The following ARHGAP15 variants were observed in gnomAD, a reference collection of about 807,000 sequenced individuals.
ARHGAP15 encodes rho GTPase-activating protein 15.
ARHGAP15 carries 51 observed loss-of-function variants against 63.7 expected under a neutral mutation model. That is an observed-to-expected ratio of 0.80 (90% CI 0.64 to 1.01). ARHGAP15 has a LOEUF of 1.01. Among genes scored for constraint, ARHGAP15 ranks in the 50% least tolerant of loss-of-function variants. The pLI is 0.00. For missense variants in ARHGAP15, 560 were observed against 564.6 expected (o/e 0.99, Z 0.08); for synonymous variants, 191 against 193.8 (o/e 0.99, Z 0.12).
In ARHGAP15 at chr2:143,519,378, T is replaced by C. The variant is rs1693963716; in HGVS notation, c.925+14T>C. ...TTGAGAAAAGAGGTGGGTGACTGAA[T>C]GTGCAGCAGTTCCCCCCATTACTGC... On this transcript the variant is annotated intron_variant, in intron 10 of 13. Coordinates refer to ENST00000295095, the MANE Select transcript of ARHGAP15 (RefSeq NM_018460.4). The C allele has an allele frequency of 2.5e-6, 4 of 1,600,282 alleles. No homozygotes were observed. Among genetic ancestry groups the C allele is most frequent in the Admixed American group, 1.7e-5 (1 of 59,910 alleles).
chr2:143,640,735 C>T (rs1054063293), intron 12 of ARHGAP15: 1 of 152,068 alleles, frequency 6.6e-6, no homozygotes. Context: ...TATTAAGCAA[C>T]AAGAATATAA....
chr2:143,228,758 C>T (rs1389428047), intron 5 of ARHGAP15, 90 bp downstream of exon 5: 8 of 852,266 alleles, frequency 9.4e-6, no homozygotes, highest in East Asian at 2.9e-5. Flanking sequence ...ACACTAAAAC[C>T]TCCAAGCTAC....
At chr2:143,188,406 A>G (rs1261055674) in intron 2 of ARHGAP15, among the ~76,000 whole-genome samples, 1 of 151,834 alleles carries the variant, frequency 6.6e-6, no homozygotes, top group African/African-American at 2.4e-5. Context: ...TATCAACAAA[A>G]TTGCCAAATA....
intron 6 of ARHGAP15, among the ~76,000 whole-genome samples, chr2:143,414,903 C>T (rs540903729): frequency 3.3e-5 from 5 of 152,038 alleles, no homozygotes; most frequent in East Asian, 1.9e-4. Context: ...CACTCCAGCC[C>T]GGGCAACAGA....
At chr2:143,600,890 G>A (rs1574689075) in intron 11 of ARHGAP15, among the ~76,000 whole-genome samples, 1 of 152,078 alleles carries the variant, frequency 6.6e-6, no homozygotes, top group Admixed American at 6.6e-5. Context: ...CTAAGAAAAT[G>A]CAATGAAAAT....
intron 2 of ARHGAP15, among the ~76,000 whole-genome samples, chr2:143,156,341 C>A (rs979672636): frequency 6.6e-6 from 1 of 151,844 alleles, no homozygotes; most frequent in African/African-American, 2.4e-5. Flanking sequence ...ATGGTGGTAA[C>A]TTGCAGCTGA....
rs900342421 is a variant in ARHGAP15 at position 143,536,377 on chromosome 2, AT to A, written c.925+17024del. On this transcript the variant is annotated intron_variant, in intron 10 of 13. Transcript: ENST00000295095. Reference sequence around the variant, plus strand: ...TCATTCATGTTGTCACAAAAGCAGGATTTTTTTTTTTATTATTTAAGTTTTA... The same window carrying A: ...TCATTCATGTTGTCACAAAAGCAGGATTTTTTTTTTATTATTTAAGTTTTA... Among the ~76,000 whole-genome samples, 247 of 148,050 alleles carry A rather than the reference AT, an allele frequency of 1.7e-3. 1 individual carries two copies. Among genetic ancestry groups the A allele is most frequent in the Middle Eastern group, 7.0e-3 (2 of 284 alleles).
In ARHGAP15 at chr2:143,220,489, G is replaced by T. The variant is rs191036922; in HGVS notation, c.296+4044G>T. On this transcript the variant is annotated intron_variant, in intron 4 of 13. Coordinates refer to ENST00000295095, the MANE Select transcript of ARHGAP15 (RefSeq NM_018460.4). ...GCCTCACAACGTATTGGGATTACAG[G>T]CGTGAGCAATAGCACCCAGCCTTCT... Among the ~76,000 whole-genome samples, 7 of 152,270 alleles carry T rather than the reference G, an allele frequency of 4.6e-5. No homozygotes were observed. In the East Asian group the frequency reaches 1.2e-3, roughly 25 times the overall value.
rs540716723 is a variant in ARHGAP15, at chr2:143,541,833, C to G, written c.926-14575C>G. On this transcript the variant is annotated intron_variant, in intron 10 of 13. Coordinates refer to ENST00000295095, the MANE Select transcript of ARHGAP15 (RefSeq NM_018460.4). ...AGGCTACTCAGCAGTCAGGGACCCA[C>G]TTGAGGAGGCAGTCTGCCCGTTCTC... Among the ~76,000 whole-genome samples the G allele has an allele frequency of 2.6e-5, 4 of 152,348 alleles. No homozygotes were observed. In the South Asian group the frequency reaches 8.3e-4, roughly 32 times the overall value.
intron 10 of ARHGAP15, among the ~76,000 whole-genome samples, chr2:143,526,796 AT>A (rs562380503): frequency 4.6e-4 from 70 of 152,286 alleles, no homozygotes; most frequent in East Asian, 5.8e-4. Context: ...AGATTTTCAG[AT>A]TTTTTTGCCC....
chr2:143,271,624 T>C (rs1046686381), intron 6 of ARHGAP15, among the ~76,000 whole-genome samples: 13 of 152,328 alleles, frequency 8.5e-5, no homozygotes, highest in South Asian at 4.1e-4. Context: ...CACAGGTGCC[T>C]GCCACCTCGC....
chr2:143,541,014 C>A (rs1368989536), intron 10 of ARHGAP15, among the ~76,000 whole-genome samples: 1 of 152,192 alleles, frequency 6.6e-6, no homozygotes, highest in Non-Finnish European at 1.5e-5. Context: ...TCAGGTACAC[C>A]TATCAAATGT....
At position 143,180,912 on chromosome 2, in the gene ARHGAP15, A is replaced by T. The variant is rs775524440; in HGVS notation, c.166-21222A>T. On this transcript the variant is annotated intron_variant, in intron 2 of 13. Coordinates refer to ENST00000295095, the MANE Select transcript of ARHGAP15 (RefSeq NM_018460.4). ...ATGGTCTCGATCTCCTGACCTCGTG[A>T]TCCGTCGCCTCGGCCTCCCAAAGTG... Among the ~76,000 whole-genome samples, 5 of 152,060 alleles carry T rather than the reference A, an allele frequency of 3.3e-5. No individual in the cohort carries two copies. In the South Asian group the frequency reaches 8.3e-4, roughly 25 times the overall value.
chr2:143,159,516 A>G (rs1430776045), intron 2 of ARHGAP15, among the ~76,000 whole-genome samples: 1 of 151,912 alleles, frequency 6.6e-6, no homozygotes. Flanking sequence ...AAATGACACT[A>G]AATCACATTG....
intron 12 of ARHGAP15, among the ~76,000 whole-genome samples, chr2:143,679,153 A>G (rs1682972456): frequency 6.8e-6 from 1 of 147,798 alleles, no homozygotes; most frequent in Non-Finnish European, 1.5e-5. Flanking sequence ...AAAAAAAAAA[A>G]TATGCTGCAC....
intron 6 of ARHGAP15, among the ~76,000 whole-genome samples, chr2:143,379,831 C>A (rs1420714229): frequency 1.3e-5 from 2 of 151,618 alleles, no homozygotes; most frequent in Non-Finnish European, 2.9e-5. Flanking sequence ...GAAACAAATA[C>A]ACAAATAGGT....
rs1437061826 is a variant in ARHGAP15, at chr2:143,730,388, A to G, written c.1244+26864A>G. 6.4e-5 allele frequency among the ~76,000 whole-genome samples: 9 copies of G among 140,156 alleles called. No individual in the cohort carries two copies. The East Asian group carries it at 1.6e-3, about 25-fold the overall frequency. The allele number at this position is 140,156 out of a possible 152,430, so 91.9% of individuals were successfully genotyped here. On this transcript the variant is annotated intron_variant, in intron 13 of 13. Coordinates refer to ENST00000295095, the MANE Select transcript of ARHGAP15 (RefSeq NM_018460.4). ...AAAGGGTGTTTCCCGTGCTGACACA[A>G]AAGTATGCAATATTTCTTTGTCTTT...
chr2:143,438,069 C>T (rs1171564086), intron 8 of ARHGAP15, among the ~76,000 whole-genome samples: 1 of 152,096 alleles, frequency 6.6e-6, no homozygotes, highest in African/African-American at 2.4e-5. Flanking sequence ...ACCTATTTCC[C>T]AAAGTCTTAA....
In ARHGAP15 at chr2:143,451,591, T is replaced by G. The variant is rs1690410596; in HGVS notation, c.703+14549T>G. Among the ~76,000 whole-genome samples, 3 of 151,950 alleles carry G rather than the reference T, an allele frequency of 2.0e-5. No homozygotes were observed. The South Asian group carries it at 6.2e-4, about 31-fold the overall frequency. The stretch of plus-strand genomic sequence containing the variant: ...CTCAGAAAATCAAAAGTAGACATAT[T>G]TAAATAGAGTTAAATGTTCCTCTGC... On this transcript the variant is annotated intron_variant, in intron 8 of 13. Transcript: ENST00000295095.
Sources: allele counts gnomAD v4.1 joint callset (sites outside exome capture counted in the v4.1 genomes callset), GRCh38; gene constraint gnomAD v4.1.1; transcripts MANE v1.5; gene names NCBI Gene and HGNC (gene_info 2026-07-23, HGNC 2026-07-21).